Variants in PDGFD observed in about 807,000 individuals in gnomAD.
PDGFD encodes platelet derived growth factor D, also known as platelet-derived growth factor D.
PDGFD carries 30 observed loss-of-function variants against 44.7 expected under a neutral mutation model. The ratio of observed to expected loss-of-function variants is 0.67; its 90% CI spans 0.50 to 0.91. PDGFD has a LOEUF of 0.91. Among genes scored for constraint, PDGFD ranks in the 40% least tolerant of loss-of-function variants. The pLI is 0.00. For synonymous variants in PDGFD, 173 were observed against 168.4 expected (o/e 1.03, Z -0.21); for missense variants, 445 against 457.8 (o/e 0.97, Z 0.25).
At chr11:103,932,185 G>T (rs4615989) in intron 5 of PDGFD, among the ~76,000 whole-genome samples, 77,148 of 148,892 alleles carry the variant, frequency 0.52, 21,959 homozygotes, top group African/African-American at 0.79. Flanking sequence ...TTCAACATGA[G>T]TTTTTTTTTT....
intron 3 of PDGFD, among the ~76,000 whole-genome samples, chr11:103,992,209 G>T (rs1178861709): frequency 6.6e-6 from 1 of 152,048 alleles, no homozygotes; most frequent in Non-Finnish European, 1.5e-5. Context: ...ATGAAATGAG[G>T]CAAATTTTAT....
At chr11:104,038,726 A>T (rs530658285) in intron 1 of PDGFD, 1 of 167,112 alleles carries the variant, frequency 6.0e-6, no homozygotes, top group Non-Finnish European at 1.5e-5. Flanking sequence ...AACTCTGGCT[A>T]TAAAACAAAG....
chr11:103,978,426 AG>A, intron 3 of PDGFD, among the ~76,000 whole-genome samples: 1 of 152,082 alleles, frequency 6.6e-6, no homozygotes, highest in Non-Finnish European at 1.5e-5. Flanking sequence ...GTTTGTTTGA[AG>A]GGTAGTATGG....
chr11:103,977,879 G>A (rs1270806747), intron 3 of PDGFD, among the ~76,000 whole-genome samples: 4 of 151,980 alleles, frequency 2.6e-5, no homozygotes, highest in African/African-American at 4.8e-5. Context: ...GATAAGATGA[G>A]GTTGTTGTCA....
chr11:104,062,337 CT>C (rs1860729164), intron 1 of PDGFD, among the ~76,000 whole-genome samples: 1 of 152,208 alleles, frequency 6.6e-6, no homozygotes, highest in Admixed American at 6.5e-5. Context: ...AGGCAAATTC[CT>C]CCATCTGTTC....
chr11:103,922,735 T>A (rs1591077568), intron 6 of PDGFD, among the ~76,000 whole-genome samples: 1 of 152,180 alleles, frequency 6.6e-6, no homozygotes, highest in African/African-American at 2.4e-5. Context: ...ATTCCTTTTT[T>A]TTATTATTTA....
At chr11:103,933,758 G>A (rs577146745) in intron 5 of PDGFD, among the ~76,000 whole-genome samples, 6 of 152,296 alleles carry the variant, frequency 3.9e-5, no homozygotes, top group Admixed American at 3.9e-4. Flanking sequence ...CCATTGGATG[G>A]ATGTAGAAAC....
At chr11:104,085,574 T>C (rs749762577) in intron 1 of PDGFD, among the ~76,000 whole-genome samples, 1 of 152,196 alleles carries the variant, frequency 6.6e-6, no homozygotes, top group African/African-American at 2.4e-5. Context: ...CAAAGGCATG[T>C]ATTTACTTAT....
chr11:103,986,960 C>T (rs567731114), intron 3 of PDGFD, among the ~76,000 whole-genome samples: 2 of 152,244 alleles, frequency 1.3e-5, no homozygotes, highest in South Asian at 4.2e-4. Context: ...ACTGGTTCAT[C>T]TGGCCTCGTG....
chr11:104,074,595 C>T (rs190496967), intron 1 of PDGFD, among the ~76,000 whole-genome samples: 1 of 152,208 alleles, frequency 6.6e-6, no homozygotes, highest in East Asian at 1.9e-4. Flanking sequence ...GCACACACAA[C>T]CAATGAAAGC....
chr11:103,935,104 C>A (rs985000688), intron 5 of PDGFD, among the ~76,000 whole-genome samples: 4 of 152,186 alleles, frequency 2.6e-5, no homozygotes, highest in Non-Finnish European at 5.9e-5. Flanking sequence ...GTTCATCCGA[C>A]GCTAAAAGTT....
rs770080672 is a variant in PDGFD, at chr11:103,911,317, C to T, written c.988-1498G>A. On this transcript the variant is annotated intron_variant, in intron 6 of 6. Coordinates refer to ENST00000393158, the MANE Select transcript of PDGFD (RefSeq NM_025208.5). ...ACATCTCCCATTAGGGGCCAATAGACATTTCATACAGGAGACAGGGTCTGG... is the reference window on the plus strand; with the variant it reads ...ACATCTCCCATTAGGGGCCAATAGATATTTCATACAGGAGACAGGGTCTGG... 4.6e-5 allele frequency among the ~76,000 whole-genome samples: 7 copies of T among 152,134 alleles called. No individual in the cohort carries two copies. The South Asian group carries it at 1.5e-3, about 32-fold the overall frequency.
intron 3 of PDGFD, among the ~76,000 whole-genome samples, chr11:103,993,665 C>A (rs1277888387): frequency 3.9e-5 from 6 of 152,032 alleles, no homozygotes; most frequent in Non-Finnish European, 8.8e-5. Context: ...AGTGGTCAAA[C>A]CATATGTGAT....
At chr11:103,932,132 G>C (rs1858409963) in intron 5 of PDGFD, among the ~76,000 whole-genome samples, 1 of 151,488 alleles carries the variant, frequency 6.6e-6, no homozygotes, top group Non-Finnish European at 1.5e-5. Flanking sequence ...TTACTTCATA[G>C]ACCTTGTTTT....
rs548023984 is a variant in PDGFD, at chr11:103,909,489, C to T, written c.*205G>A. ...TCAAACACTATTATTAAATGCAATC[C>T]TATATTCTTAGGTATAGAAGTTGAT... On this transcript the variant is annotated 3_prime_UTR_variant, in exon 7 of 7. Transcript: ENST00000393158. 5.3e-6 allele frequency: 3 copies of T among 569,962 alleles called. No individual in the cohort carries two copies. Among genetic ancestry groups the T allele is most frequent in the African/African-American group, 3.8e-5 (2 of 53,284 alleles). The allele number at this position is 569,962 out of a possible 1,614,324, so 35.3% of individuals were successfully genotyped here.
At chr11:103,940,507 T>C (rs1284888555) in intron 5 of PDGFD, among the ~76,000 whole-genome samples, 2 of 152,154 alleles carry the variant, frequency 1.3e-5, no homozygotes, top group Non-Finnish European at 2.9e-5. Context: ...AAAGTTTTAT[T>C]TGACACCTAA....
chr11:103,931,289 G>T (rs1406326590), intron 5 of PDGFD, among the ~76,000 whole-genome samples: 2 of 152,144 alleles, frequency 1.3e-5, no homozygotes, highest in African/African-American at 4.8e-5. Flanking sequence ...GTCTGTTTTT[G>T]TGAATACAAA....
intron 3 of PDGFD, among the ~76,000 whole-genome samples, chr11:103,948,510 TA>T (rs1335279041): frequency 2.6e-5 from 4 of 152,186 alleles, no homozygotes; most frequent in African/African-American, 9.7e-5. Flanking sequence ...CCAGGAAGTT[TA>T]AAAAACATTA....
intron 3 of PDGFD, among the ~76,000 whole-genome samples, chr11:103,951,456 T>G (rs1470882681): frequency 2.0e-5 from 3 of 152,210 alleles, no homozygotes; most frequent in African/African-American, 7.2e-5. Flanking sequence ...ATCAAATCAC[T>G]TCTGTCGTCT....
Sources: gnomAD v4.1 joint callset for allele counts (sites outside exome capture counted in the v4.1 genomes callset) on GRCh38, gnomAD v4.1.1 for gene constraint, MANE v1.5 for transcripts, NCBI Gene and HGNC (gene_info 2026-07-23, HGNC 2026-07-21) for gene names.